The following MEIS2 variants were observed in gnomAD, a reference collection of about 807,000 sequenced individuals.
MEIS2 encodes the protein homeobox protein Meis2.
In MEIS2, 9 loss-of-function variants were observed where a neutral mutation model predicts 58.6. That is an observed-to-expected ratio of 0.15 (90% CI 0.09 to 0.27). The LOEUF is 0.27. Among genes scored for constraint, MEIS2 ranks in the 10% least tolerant of loss-of-function variants. The pLI is 1.00. For synonymous variants in MEIS2, 221 were observed against 228.4 expected, an observed-to-expected ratio of 0.97 and a Z score of 0.29; for missense variants, 427 against 635.0, an observed-to-expected ratio of 0.67 and a Z score of 3.52.
chr15:36,920,066 G>T (rs1417043741), intron 9 of MEIS2, among the ~76,000 whole-genome samples: 1 of 152,118 alleles, frequency 6.6e-6, no homozygotes, highest in Non-Finnish European at 1.5e-5. Context: ...AAAACAAGAA[G>T]AAATGGAGGC....
intron 7 of MEIS2, among the ~76,000 whole-genome samples, chr15:37,056,693 C>A (rs1455129889): frequency 2.0e-5 from 3 of 152,156 alleles, no homozygotes; most frequent in African/African-American, 7.2e-5. Flanking sequence ...TAATTCATCT[C>A]CCATAACCCT....
At chr15:36,996,053 A>C (rs1253389402) in intron 8 of MEIS2, among the ~76,000 whole-genome samples, 1 of 105,950 alleles carries the variant, frequency 9.4e-6, no homozygotes, top group East Asian at 3.3e-4. Context: ...ACACATATAT[A>C]TATACACACA....
intron 8 of MEIS2, among the ~76,000 whole-genome samples, chr15:37,028,194 C>T (rs1287618932): frequency 6.6e-6 from 1 of 152,176 alleles, no homozygotes; most frequent in East Asian, 1.9e-4. Flanking sequence ...ACAGGATTGT[C>T]TGATGTAATT....
intron 7 of MEIS2, among the ~76,000 whole-genome samples, chr15:37,060,021 G>A (rs1341417482): frequency 2.2e-4 from 34 of 152,120 alleles, no homozygotes; most frequent in Non-Finnish European, 1.2e-4. Context: ...GCCTCCATGA[G>A]CTATGATACG....
At chr15:36,961,248 G>A (rs1567111277) in intron 8 of MEIS2, among the ~76,000 whole-genome samples, 1 of 152,084 alleles carries the variant, frequency 6.6e-6, no homozygotes, top group South Asian at 2.1e-4. Context: ...AGTAAATGGA[G>A]CACCTTCAAA....
At chr15:37,040,761 T>C (rs2062388947) in intron 7 of MEIS2, among the ~76,000 whole-genome samples, 1 of 152,216 alleles carries the variant, frequency 6.6e-6, no homozygotes, top group African/African-American at 2.4e-5. Flanking sequence ...ACTCAAGGCC[T>C]GTGGACAGAT....
intron 8 of MEIS2, among the ~76,000 whole-genome samples, chr15:36,981,553 G>A (rs2059928179): frequency 6.6e-6 from 1 of 152,026 alleles, no homozygotes; most frequent in Admixed American, 6.6e-5. Context: ...GGTATACAGT[G>A]TGAGGCTTTG....
chr15:37,020,142 T>C (rs1430489437), intron 8 of MEIS2, among the ~76,000 whole-genome samples: 1 of 152,084 alleles, frequency 6.6e-6, no homozygotes. Context: ...CTCCTCCTGC[T>C]CGCTGTGAAT....
chr15:37,014,068 G>T (rs768213778), intron 8 of MEIS2, among the ~76,000 whole-genome samples: 1 of 152,178 alleles, frequency 6.6e-6, no homozygotes, highest in Non-Finnish European at 1.5e-5. Flanking sequence ...GTGGTAGAAT[G>T]TTAACAATAG....
chr15:36,993,885 C>T (rs981243588), intron 8 of MEIS2, among the ~76,000 whole-genome samples: 3 of 151,966 alleles, frequency 2.0e-5, no homozygotes, highest in Non-Finnish European at 4.4e-5. Context: ...GACATTTTTA[C>T]GAACAAAATC....
intron 8 of MEIS2, among the ~76,000 whole-genome samples, chr15:37,036,193 G>C (rs1188604792): frequency 1.3e-5 from 2 of 152,116 alleles, no homozygotes; most frequent in East Asian, 3.9e-4. Flanking sequence ...TTCCAGAAGT[G>C]AACATGGTTA....
At chr15:37,039,059 A>G (rs2062293199) in intron 7 of MEIS2, among the ~76,000 whole-genome samples, 2 of 152,218 alleles carry the variant, frequency 1.3e-5, no homozygotes, top group Middle Eastern at 3.2e-3. Context: ...GGAGCCAGGC[A>G]GTGGGCCTTG....
chr15:36,894,929 G>A lies in MEIS2; in HGVS notation c.1147+222C>T. 7 of 1,025,154 alleles carry A rather than the reference G, an allele frequency of 6.8e-6. No individual in the cohort carries two copies. In the Admixed American group the frequency reaches 7.2e-5, roughly 11 times the overall value. The allele number at this position is 1,025,154 out of a possible 1,614,324, so 63.5% of individuals were successfully genotyped here. On this transcript the variant is annotated intron_variant, in intron 11 of 11. Coordinates refer to ENST00000561208, the MANE Select transcript of MEIS2 (RefSeq NM_170675.5). The stretch of plus-strand genomic sequence containing the variant: ...ATTGCCTTGGTTTAAAAAGAAAAAA[G>A]AAAAAGGATGTGTATGGGGCAGAGT...
intron 7 of MEIS2, among the ~76,000 whole-genome samples, chr15:37,078,173 T>C (rs897935887): frequency 6.6e-6 from 1 of 151,974 alleles, no homozygotes; most frequent in African/African-American, 2.4e-5. Context: ...GACTCGTACC[T>C]GACAATTAGA....
At chr15:36,966,785 G>A (rs1383078801) in intron 8 of MEIS2, among the ~76,000 whole-genome samples, 1 of 152,178 alleles carries the variant, frequency 6.6e-6, no homozygotes, top group Non-Finnish European at 1.5e-5. Flanking sequence ...ACTATACAGA[G>A]ATAGAAAATA....
chr15:36,911,673 A>C (rs1215915060), intron 9 of MEIS2, among the ~76,000 whole-genome samples: 1 of 152,164 alleles, frequency 6.6e-6, no homozygotes, highest in Non-Finnish European at 1.5e-5. Context: ...TCCCGAGATG[A>C]GGTCAGCCCG....
chr15:37,099,211 CCGCT>C (rs1250198096), intron 1 of MEIS2: 4 of 1,417,692 alleles, frequency 2.8e-6, no homozygotes, highest in Non-Finnish European at 2.8e-6. Flanking sequence ...CGCCGCCCGC[CCGCT>C]CGCACAGCGC....
chr15:37,061,341 G>C (rs567246219), intron 7 of MEIS2, among the ~76,000 whole-genome samples: 2 of 152,300 alleles, frequency 1.3e-5, no homozygotes, highest in South Asian at 2.1e-4. Context: ...GAAGGTCATC[G>C]AGGCCGGCAG....
At chr15:37,002,404 C>T (rs2060763883) in intron 8 of MEIS2, among the ~76,000 whole-genome samples, 1 of 152,128 alleles carries the variant, frequency 6.6e-6, no homozygotes, top group Non-Finnish European at 1.5e-5. Context: ...TTTCTTTTGA[C>T]ACTTTTCACT....
Sources: gnomAD v4.1 joint callset for allele counts (sites outside exome capture counted in the v4.1 genomes callset) on GRCh38, gnomAD v4.1.1 for gene constraint, MANE v1.5 for transcripts, NCBI Gene and HGNC (gene_info 2026-07-23, HGNC 2026-07-21) for gene names.